Variants in EP400 observed in about 807,000 individuals in gnomAD.
EP400 encodes the protein E1A-binding protein p400.
EP400 carries 105 observed loss-of-function variants against 354.1 expected under a neutral mutation model. The ratio of observed to expected loss-of-function variants is 0.30; its 90% confidence interval spans 0.25 to 0.35. The LOEUF is 0.35. Among genes scored for constraint, EP400 ranks in the 10% least tolerant of loss-of-function variants. EP400 has a pLI of 1.00. For missense variants in EP400, 3,280 were observed against 4,121.0 expected (o/e 0.80, Z 5.59); for synonymous variants, 1,646 against 1,716.9 (o/e 0.96, Z 1.02).
At position 131,972,725 on chromosome 12, in the gene EP400, C is replaced by CTTTT. The variant is rs144441438; in HGVS notation, c.1336-6948_1336-6945dup. On this transcript the variant is annotated intron_variant, in intron 2 of 52. Coordinates refer to ENST00000389561, the MANE Select transcript of EP400 (RefSeq NM_015409.5). ...CATAATTTTATCACCCTAACACAAC[C>CTTTT]TTTTTTTTTTTTTTTTTTTTTTTTG... is the stretch of plus-strand genomic sequence containing the variant. 4.6e-3 allele frequency among the ~76,000 whole-genome samples: 448 copies of CTTTT among 98,126 alleles called. 1 individual carries two copies. Among genetic ancestry groups the CTTTT allele is most frequent in the Middle Eastern group, 8.3e-3 (1 of 120 alleles). The allele number at this position is 98,126 out of a possible 152,430, so 64.4% of individuals were successfully genotyped here. A position where few individuals can be genotyped will look rare whatever the true frequency, so the allele number is the denominator to read the frequency against.
intron 1 of EP400, among the ~76,000 whole-genome samples, chr12:131,950,303 C>T (rs1163804306): frequency 1.3e-5 from 2 of 152,130 alleles, no homozygotes; most frequent in Non-Finnish European, 2.9e-5. Context: ...CGTGGCCCCC[C>T]GGGCTCCTGG....
rs1894341770 is a variant in EP400, at chr12:132,027,389, C to A, written c.5015-48C>A. On this transcript the variant is annotated intron_variant, in intron 25 of 52. Transcript: ENST00000389561. This position sits in a 1 kb window ranked among gnomAD's most constrained non-coding sequence, Gnocchi z 4.9. ...GGAGCATGCTGGTGTCAGATGAAAT[C>A]CTGTGAACTTGGCGTTCCTTTTCAC... is the stretch of plus-strand genomic sequence containing the variant. 1.3e-6 allele frequency: 2 copies of A among 1,589,986 alleles called. No individual in the cohort carries two copies. Among genetic ancestry groups the A allele is most frequent in the South Asian group, 1.1e-5 (1 of 90,368 alleles).
intron 6 of EP400, among the ~76,000 whole-genome samples, chr12:131,987,088 G>A (rs897142379): frequency 2.6e-5 from 4 of 152,188 alleles, no homozygotes; most frequent in African/African-American, 4.8e-5. Flanking sequence ...TAGGCGGAGA[G>A]GGACAAGCTT....
At chr12:132,006,405 C>A in intron 14 of EP400, 103 bp downstream of exon 14, 1 of 1,340,296 alleles carries the variant, frequency 7.5e-7, no homozygotes. Flanking sequence ...ATGGTCTATC[C>A]CAACTGCAGA....
intron 13 of EP400, 116 bp from the exon 14 acceptor site, chr12:132,005,996 C>T (rs1223023429): frequency 4.2e-6 from 4 of 953,740 alleles, no homozygotes; most frequent in African/African-American, 1.7e-5. Context: ...AAATTATTGC[C>T]TAATTCAGTA....
chr12:132,036,596 A>G (rs1157839663), intron 30 of EP400, among the ~76,000 whole-genome samples: 1 of 152,272 alleles, frequency 6.6e-6, no homozygotes, highest in Admixed American at 6.5e-5. Context: ...GGAAGCGCAC[A>G]CTGTCACACG....
In EP400 at chr12:132,017,523, C is replaced by G. The variant is rs768368714; in HGVS notation, c.3924-12C>G. 3.1e-6 allele frequency: 5 copies of G among 1,612,854 alleles called. No individual in the cohort carries two copies. The highest frequency in any genetic ancestry group is 2.2e-5 in the East Asian group (1 of 44,846). The stretch of plus-strand genomic sequence containing the variant: ...TGGATTGAATGCTTCGTGTTTCTTT[C>G]TCCACGGGCAGCACTCAGGAGGCCT... On this transcript the variant is annotated splice_polypyrimidine_tract_variant and intron_variant, in intron 19 of 52. Transcript: ENST00000389561. The surrounding 1 kb of genome is among the most constrained non-coding windows in gnomAD (Gnocchi z 5.0).
intron 10 of EP400, 140 bp from the exon 11 acceptor site, chr12:131,992,033 C>T (rs1893056561): frequency 4.9e-6 from 4 of 822,272 alleles, no homozygotes; most frequent in South Asian, 2.8e-5. Flanking sequence ...TGCCCTGCCC[C>T]GACCCCAAAT....
Position 131,950,505 on chromosome 12 carries a change from C to A in EP400, c.-36+469C>A, listed in dbSNP as rs966260397. On this transcript the variant is annotated intron_variant, in intron 1 of 52. Coordinates refer to ENST00000389561, the MANE Select transcript of EP400 (RefSeq NM_015409.5). ...CGTCCAGAACCACTTTCCTGAGGCGCGACGGGGCGAATTCACTCAGAACTT... is the reference window on the plus strand; with the variant it reads ...CGTCCAGAACCACTTTCCTGAGGCGAGACGGGGCGAATTCACTCAGAACTT... Among the ~76,000 whole-genome samples, 19 of 152,230 alleles carry A rather than the reference C, an allele frequency of 1.2e-4. No homozygotes were observed. The East Asian group carries it at 2.7e-3, about 22-fold the overall frequency.
intron 12 of EP400, among the ~76,000 whole-genome samples, chr12:131,995,883 C>T (rs1272292955): frequency 2.0e-5 from 3 of 151,482 alleles, no homozygotes; most frequent in Non-Finnish European, 4.4e-5. Flanking sequence ...AATCCCACCA[C>T]AGCTTGACTG....
At chr12:131,987,375 C>G (rs1455806841) in intron 6 of EP400, among the ~76,000 whole-genome samples, 1 of 152,078 alleles carries the variant, frequency 6.6e-6, no homozygotes, top group Non-Finnish European at 1.5e-5. Context: ...AAGCAAATTC[C>G]AGACATCCTA....
intron 2 of EP400, among the ~76,000 whole-genome samples, chr12:131,962,383 A>G (rs534247508): frequency 6.6e-6 from 1 of 152,290 alleles, no homozygotes; most frequent in African/African-American, 2.4e-5. Flanking sequence ...CAAGTTTCAC[A>G]TTTTACTCGT....
rs764991144 is a variant in EP400 at position 132,050,670 on chromosome 12, G to A, written c.7394+15G>A. ...TTGGCAGAAAGGTATTTCTCTATTC[G>A]TGACACATTTGTTACTGTTTGGAAG... On this transcript the variant is annotated intron_variant, in intron 41 of 52. Transcript: ENST00000389561. The surrounding 1 kb of genome is among the most constrained non-coding windows in gnomAD (Gnocchi z 4.8). The A allele has an allele frequency of 1.5e-5, 25 of 1,613,906 alleles. No homozygotes were observed. The highest frequency in any genetic ancestry group is 6.7e-5 in the Admixed American group (4 of 60,002).
In EP400 at chr12:132,028,791, C is replaced by T. The variant is rs1424676958; in HGVS notation, c.5381+503C>T. On this transcript the variant is annotated intron_variant, in intron 27 of 52. Transcript: ENST00000389561. ...GTGCGTTACCCTGTTTGCATTTCCA[C>T]TCCCTGCTTGGACCCCATCTCCAGG... Among the ~76,000 whole-genome samples, 3 of 152,172 alleles carry T rather than the reference C, an allele frequency of 2.0e-5. No individual in the cohort carries two copies. The East Asian group carries it at 5.8e-4, about 29-fold the overall frequency.
At chr12:132,074,483 T>TA (rs1325369625) in intron 51 of EP400, among the ~76,000 whole-genome samples, 2 of 152,208 alleles carry the variant, frequency 1.3e-5, no homozygotes, top group African/African-American at 4.8e-5. Flanking sequence ...GTCTGCCTGT[T>TA]ATCGAGACGT....
intron 41 of EP400, 119 bp from the exon 42 acceptor site, chr12:132,053,027 C>A: frequency 9.5e-7 from 1 of 1,053,386 alleles, no homozygotes; most frequent in South Asian, 1.3e-5. Flanking sequence ...TGCTTTACGC[C>A]CTCATCTCTT....
At chr12:131,998,691 C>G (rs1418619055) in intron 12 of EP400, among the ~76,000 whole-genome samples, 1 of 121,296 alleles carries the variant, frequency 8.2e-6, no homozygotes, top group African/African-American at 3.1e-5. Context: ...TATACAAAGA[C>G]TTTGTATACA....
intron 1 of EP400, among the ~76,000 whole-genome samples, chr12:131,957,070 C>T (rs1891727190): frequency 1.3e-5 from 2 of 151,924 alleles, no homozygotes; most frequent in South Asian, 4.2e-4. Flanking sequence ...AGGGTTTTAC[C>T]ATATTGGTCA....
chr12:132,072,568 A>G (rs1038035084), intron 51 of EP400, among the ~76,000 whole-genome samples: 1 of 152,218 alleles, frequency 6.6e-6, no homozygotes, highest in South Asian at 2.1e-4. Context: ...GAAACTTGCT[A>G]TCTAGTCCAG....
Sources: gnomAD v4.1 joint callset for allele counts (sites outside exome capture counted in the v4.1 genomes callset) on GRCh38, gnomAD v4.1.1 for gene constraint, Gnocchi (gnomAD v3.1) non-coding constraint, MANE v1.5 for transcripts, NCBI Gene and HGNC (gene_info 2026-07-23, HGNC 2026-07-21) for gene names.